Variants in NRG1 observed in about 807,000 individuals in gnomAD.
The protein encoded by NRG1 is neuregulin 1, also known as pro-neuregulin-1, membrane-bound isoform.
A neutral mutation model predicts 63.8 loss-of-function variants in NRG1; 18 were observed. The ratio of observed to expected loss-of-function variants is 0.28; its 90% CI spans 0.19 to 0.42. NRG1 has a LOEUF of 0.42. NRG1 is among the 10% of genes least tolerant of loss of function. The pLI is 1.00. For synonymous variants in NRG1, 302 were observed against 301.3 expected, an observed-to-expected ratio of 1.00 and a Z score of -0.02; for missense variants, 762 against 814.7, an observed-to-expected ratio of 0.94 and a Z score of 0.79.
intron 1 of NRG1, among the ~76,000 whole-genome samples, chr8:32,574,142 A>G (rs1839177480): frequency 6.6e-6 from 1 of 152,114 alleles, no homozygotes; most frequent in Non-Finnish European, 1.5e-5. Context: ...TAGCAGCATG[A>G]CCTTTTAAAG....
At position 31,857,344 on chromosome 8, in the gene NRG1, C is replaced by T. The variant is rs184547066; in HGVS notation, c.37+217913C>T. On this transcript the variant is annotated intron_variant, in intron 1 of 10. Coordinates refer to the NRG1 transcript ENST00000519301. ...CTGTTTTTTAAGCCGGTTGGAAAAG[C>T]GCAGTATTCAGGTGGGAGTGACCCG... is the stretch of plus-strand genomic sequence containing the variant. Among the ~76,000 whole-genome samples the T allele has an allele frequency of 1.7e-3, 258 of 152,316 alleles. 1 individual carries two copies. The highest frequency in any genetic ancestry group is 2.4e-3 in the Non-Finnish European group (163 of 68,036).
At chr8:32,645,879 T>A (rs914490720) in intron 5 of NRG1, among the ~76,000 whole-genome samples, 6 of 151,844 alleles carry the variant, frequency 4.0e-5, no homozygotes, top group African/African-American at 1.5e-4. Context: ...TTTTAATGAC[T>A]GTTGTTTTAA....
intron 1 of NRG1, among the ~76,000 whole-genome samples, chr8:32,347,481 A>T (rs1172796399): frequency 6.6e-6 from 1 of 152,188 alleles, no homozygotes; most frequent in Non-Finnish European, 1.5e-5. Context: ...TGCACCTCAC[A>T]CAGTAAATTG....
At chr8:31,930,891 C>A (rs1428678965) in intron 1 of NRG1, among the ~76,000 whole-genome samples, 2 of 152,142 alleles carry the variant, frequency 1.3e-5, no homozygotes, top group Non-Finnish European at 2.9e-5. Flanking sequence ...AATGCCGTAT[C>A]TGAATATTAG....
intron 1 of NRG1, among the ~76,000 whole-genome samples, chr8:32,000,706 C>G (rs1012131397): frequency 1.3e-5 from 2 of 151,982 alleles, no homozygotes; most frequent in African/African-American, 4.8e-5. Context: ...TCAGAGGAAA[C>G]TACATTTGAT....
intron 1 of NRG1, among the ~76,000 whole-genome samples, chr8:32,335,120 G>A (rs1367946580): frequency 3.3e-5 from 5 of 152,116 alleles, no homozygotes; most frequent in Non-Finnish European, 7.4e-5. Flanking sequence ...AAGTGGTAAA[G>A]CAGGTGGTAA....
chr8:32,465,585 T>A (rs1402398655), intron 1 of NRG1, among the ~76,000 whole-genome samples: 1 of 139,434 alleles, frequency 7.2e-6, no homozygotes, highest in Non-Finnish European at 1.6e-5. Context: ...ACAAAGACAT[T>A]AATAAAAAAC....
At chr8:32,088,199 C>T (rs1828568911) in intron 1 of NRG1, among the ~76,000 whole-genome samples, 1 of 152,188 alleles carries the variant, frequency 6.6e-6, no homozygotes, top group Non-Finnish European at 1.5e-5. Context: ...TATCGTCTCT[C>T]TACAGTGAGA....
intron 1 of NRG1, among the ~76,000 whole-genome samples, chr8:31,822,396 G>T (rs985192145): frequency 6.6e-6 from 1 of 151,922 alleles, no homozygotes; most frequent in Non-Finnish European, 1.5e-5. Flanking sequence ...CACTAGCCTA[G>T]GTAAGAGAGT....
intron 1 of NRG1, among the ~76,000 whole-genome samples, chr8:31,807,337 G>GT (rs1400393867): frequency 6.6e-6 from 1 of 152,054 alleles, no homozygotes; most frequent in East Asian, 1.9e-4. Flanking sequence ...GATGGTTTTT[G>GT]TTTTTAAGTC....
chr8:32,023,540 T>A (rs1816778738), intron 1 of NRG1, among the ~76,000 whole-genome samples: 1 of 152,178 alleles, frequency 6.6e-6, no homozygotes, highest in South Asian at 2.1e-4. Flanking sequence ...CAACTTGGCA[T>A]TTTAATGGCT....
At chr8:32,662,314 C>T (rs1476772641) in intron 5 of NRG1, among the ~76,000 whole-genome samples, 2 of 152,116 alleles carry the variant, frequency 1.3e-5, no homozygotes, top group African/African-American at 2.4e-5. Flanking sequence ...GCCTTACTGC[C>T]CAGGCAGAAG....
chr8:32,710,224 C>T (rs1316530815), intron 5 of NRG1, among the ~76,000 whole-genome samples: 1 of 152,118 alleles, frequency 6.6e-6, no homozygotes, highest in Non-Finnish European at 1.5e-5. Context: ...AATTACAAGT[C>T]AACAAAATGA....
At chr8:32,748,752 T>C (rs1032378700) in intron 7 of NRG1, 2 of 454,272 alleles carry the variant, frequency 4.4e-6, no homozygotes, top group Non-Finnish European at 8.8e-6. Flanking sequence ...ACCCTAGGAA[T>C]TGGATCTTTC....
In NRG1 at chr8:32,441,477, G is replaced by A. The variant is rs568218443; in HGVS notation, c.38-154351G>A. ...CAAAACTTCCAAAAATTAGCCACCA[G>A]GTGTGGTGGTGCATGCCTGTAGTCC... On this transcript the variant is annotated intron_variant, in intron 1 of 10. Coordinates refer to the NRG1 transcript ENST00000519301. The A allele has an allele frequency of 2.0e-5, 3 of 152,086 alleles. No homozygotes were observed. The South Asian group carries it at 6.2e-4, about 32-fold the overall frequency. 9.4% of individuals were successfully genotyped at this position (152,086 alleles called of 1,614,324 possible).
chr8:31,712,255 C>CTT lies in NRG1; in HGVS notation c.37+72853_37+72854dup, dbSNP rs57363109. On this transcript the variant is annotated intron_variant, in intron 1 of 10. Coordinates refer to the NRG1 transcript ENST00000519301. ...TGACTTCCTGTTTCTTCTTCATGAT[C>CTT]TTTTTTTTTTTTTTTTTTTTTTTTT... is the stretch of plus-strand genomic sequence containing the variant. Among the ~76,000 whole-genome samples, 26 of 72,352 alleles carry CTT rather than the reference C, an allele frequency of 3.6e-4. 2 individuals carry two copies. Among genetic ancestry groups the CTT allele is most frequent in the African/African-American group, 1.4e-3 (24 of 17,144 alleles). 47.5% of individuals were successfully genotyped at this position (72,352 alleles called of 152,430 possible).
intron 2 of NRG1, among the ~76,000 whole-genome samples, chr8:32,601,480 A>G (rs183868982): frequency 3.9e-5 from 6 of 152,264 alleles, no homozygotes; most frequent in South Asian, 4.1e-4. Context: ...AAGTGCTTCT[A>G]TGTAATATCA....
intron 1 of NRG1, among the ~76,000 whole-genome samples, chr8:31,904,443 T>G (rs1461847175): frequency 6.6e-6 from 1 of 152,198 alleles, no homozygotes; most frequent in Non-Finnish European, 1.5e-5. Flanking sequence ...CACTGCTGCT[T>G]GGAATGTAAA....
chr8:32,397,348 G>A (rs547549381), intron 1 of NRG1, among the ~76,000 whole-genome samples: 3 of 152,116 alleles, frequency 2.0e-5, no homozygotes, highest in African/African-American at 7.2e-5. Flanking sequence ...TATTTCATGA[G>A]GTTATTGGGA....
Sources: gnomAD v4.1 joint callset for allele counts (sites outside exome capture counted in the v4.1 genomes callset) on GRCh38, gnomAD v4.1.1 for gene constraint, MANE v1.5 for transcripts, NCBI Gene and HGNC (gene_info 2026-07-23, HGNC 2026-07-21) for gene names.